Variants in AATF observed in about 807,000 individuals in gnomAD.
AATF encodes the protein apoptosis antagonizing transcription factor.
Under a neutral mutation model 63.7 loss-of-function variants are expected in AATF, and 48 were observed. That is an observed-to-expected ratio of 0.75 (90% CI 0.60 to 0.96). The LOEUF is 0.96. Ranked by LOEUF, AATF falls within the 40% of genes least tolerant of loss-of-function variation. The pLI is 0.00. For synonymous variants in AATF, 258 were observed against 247.7 expected, an observed-to-expected ratio of 1.04 and a Z score of -0.39; for missense variants, 639 against 685.7, an observed-to-expected ratio of 0.93 and a Z score of 0.76.
intron 4 of AATF, among the ~76,000 whole-genome samples, chr17:36,965,598 A>G (rs1254418338): frequency 6.6e-6 from 1 of 152,224 alleles, no homozygotes; most frequent in Non-Finnish European, 1.5e-5. Flanking sequence ...GTCTTCTACC[A>G]TCCCAGTGTT....
In AATF at chr17:37,009,843, A is replaced by AAC. The variant is rs1334815763; in HGVS notation, c.1399-9161_1399-9160insCA. On this transcript the variant is annotated intron_variant, in intron 8 of 11. Coordinates refer to ENST00000619387, the MANE Select transcript of AATF (RefSeq NM_012138.4). ...CGTCTCAAAAAAAAAAAAAAAAAAAAAAAAAAACCATGCAGATTTGTTGAA... is the reference window on the plus strand; with the variant it reads ...CGTCTCAAAAAAAAAAAAAAAAAAAAACAAAAAAACCATGCAGATTTGTTGAA... Among the ~76,000 whole-genome samples, 530 of 149,964 alleles carry AAC rather than the reference A, an allele frequency of 3.5e-3. 8 individuals are homozygous for AAC. Among genetic ancestry groups the AAC allele is most frequent in the African/African-American group, 0.012 (494 of 40,266 alleles).
Position 36,988,717 on chromosome 17 carries a change from G to A in AATF, c.1146G>A (p.Gly382=). Residue 382 remains glycine (G), a synonymous_variant, in exon 6 of 12, where the codon GGG becomes GGA. Coordinates refer to ENST00000619387, the MANE Select transcript of AATF (RefSeq NM_012138.4). ...CCAAACTGGCTTCTGGAAAACTGGGGAAGGCAAGTGTGTGTATGCGCGCAT... is the reference window on the plus strand; with the variant it reads ...CCAAACTGGCTTCTGGAAAACTGGGAAAGGCAAGTGTGTGTATGCGCGCAT... ...DKTKLASGKL[G]KGFGAFERSI... 6.2e-7 allele frequency: 1 copy of A among 1,613,728 alleles called. No individual in the cohort carries two copies. Among genetic ancestry groups the A allele is most frequent in the African/African-American group, 1.3e-5 (1 of 75,056 alleles).
At chr17:36,996,027 A>C (rs2071252160) in intron 8 of AATF, among the ~76,000 whole-genome samples, 1 of 152,158 alleles carries the variant, frequency 6.6e-6, no homozygotes, top group Non-Finnish European at 1.5e-5. Context: ...TTTTACTTTA[A>C]AATGTTGCTG....
At chr17:37,003,471 C>CT (rs1163393533) in intron 8 of AATF, among the ~76,000 whole-genome samples, 12,301 of 96,552 alleles carry the variant, frequency 0.13, 2,478 homozygotes, top group African/African-American at 0.43. Context: ...TTGACAAGAA[C>CT]TTTTTTTTTT....
chr17:36,964,764 C>G (rs1003615415), intron 4 of AATF, among the ~76,000 whole-genome samples: 3 of 151,680 alleles, frequency 2.0e-5, no homozygotes, highest in African/African-American at 4.8e-5. Context: ...CCCCTCCCCC[C>G]CACTGTAGCT....
intron 4 of AATF, among the ~76,000 whole-genome samples, chr17:36,982,082 T>G (rs2071129748): frequency 6.6e-6 from 1 of 152,150 alleles, no homozygotes. Flanking sequence ...GTACTTCATA[T>G]ATTGGAAATA....
At chr17:36,966,563 C>T (rs553566054) in intron 4 of AATF, among the ~76,000 whole-genome samples, 2 of 152,264 alleles carry the variant, frequency 1.3e-5, no homozygotes, top group Admixed American at 6.5e-5. Flanking sequence ...CCGCCATGCC[C>T]ACCCTGAAGT....
chr17:36,988,386 A>G (rs2071185439), intron 5 of AATF, 133 bp from the exon 6 acceptor site: 1 of 793,818 alleles, frequency 1.3e-6, no homozygotes, highest in South Asian at 1.8e-5. Flanking sequence ...CCATCCTTAT[A>G]TCTTTGGTGT....
intron 10 of AATF, among the ~76,000 whole-genome samples, chr17:37,026,196 G>T (rs1361129023): frequency 2.0e-5 from 3 of 152,200 alleles, no homozygotes; most frequent in African/African-American, 7.2e-5. Flanking sequence ...CAAGGACTGA[G>T]GAACTGTCAC....
At chr17:37,020,323 A>C (rs1335000825) in intron 9 of AATF, among the ~76,000 whole-genome samples, 1 of 151,956 alleles carries the variant, frequency 6.6e-6, no homozygotes, top group African/African-American at 2.4e-5. Context: ...AATGGTATTG[A>C]GATTATATTG....
chr17:36,967,861 C>CA (rs1555647620), intron 4 of AATF, among the ~76,000 whole-genome samples: 23 of 123,262 alleles, frequency 1.9e-4, no homozygotes, highest in African/African-American at 6.4e-4. Flanking sequence ...CAGACCTTGC[C>CA]TTTTTTTTTT....
intron 8 of AATF, among the ~76,000 whole-genome samples, chr17:36,996,883 C>T (rs1469136156): frequency 1.3e-5 from 2 of 152,198 alleles, no homozygotes; most frequent in Non-Finnish European, 2.9e-5. Context: ...CAGAGCATGA[C>T]TTGAGTACTA....
chr17:36,979,275 C>T (rs550304076), intron 4 of AATF, among the ~76,000 whole-genome samples: 7 of 152,128 alleles, frequency 4.6e-5, no homozygotes, highest in South Asian at 2.1e-4. Context: ...ACAGTGGAAT[C>T]GGTGTTTTTT....
At chr17:36,969,758 C>T (rs1392395740) in intron 4 of AATF, among the ~76,000 whole-genome samples, 1 of 152,180 alleles carries the variant, frequency 6.6e-6, no homozygotes, top group Non-Finnish European at 1.5e-5. Context: ...AGATAATGAA[C>T]ATATTCCTCA....
chr17:36,970,623 A>C (rs2071032352), intron 4 of AATF, among the ~76,000 whole-genome samples: 1 of 150,314 alleles, frequency 6.7e-6, no homozygotes. Flanking sequence ...TCACTGCAGC[A>C]CTGAGCTCCT....
chr17:36,976,852 C>T (rs1433607961), intron 4 of AATF, among the ~76,000 whole-genome samples: 2 of 152,092 alleles, frequency 1.3e-5, no homozygotes, highest in East Asian at 1.9e-4. Context: ...TCAATTTAAG[C>T]GATGGTAATT....
At chr17:37,001,855 TG>T in intron 8 of AATF, among the ~76,000 whole-genome samples, 2 of 152,264 alleles carry the variant, frequency 1.3e-5, no homozygotes, top group South Asian at 4.1e-4. Flanking sequence ...ACATCCAAAT[TG>T]GAAAGGATGA....
intron 11 of AATF, among the ~76,000 whole-genome samples, chr17:37,041,201 T>C (rs1294207079): frequency 2.6e-5 from 4 of 152,244 alleles, no homozygotes; most frequent in African/African-American, 9.6e-5. Context: ...GATTAACTTA[T>C]AAGCATTTTA....
In AATF at chr17:36,970,276, T is replaced by G. The variant is rs140316381; in HGVS notation, c.833-16341T>G. Among the ~76,000 whole-genome samples the G allele has an allele frequency of 4.6e-3, 693 of 152,300 alleles. 8 individuals carry two copies. The highest frequency in any genetic ancestry group is 3.9e-3 in the Non-Finnish European group (267 of 68,014). Reference sequence around the variant, plus strand: ...TAGTTGCTCCACTTCCTCAGAACATTTGGTATGTTCTTAATTTTAAACATT... The same window carrying G: ...TAGTTGCTCCACTTCCTCAGAACATGTGGTATGTTCTTAATTTTAAACATT... On this transcript the variant is annotated intron_variant, in intron 4 of 11. Transcript: ENST00000619387.
Sources: allele counts gnomAD v4.1 joint callset (sites outside exome capture counted in the v4.1 genomes callset), GRCh38; gene constraint gnomAD v4.1.1; transcripts MANE v1.5; gene names NCBI Gene and HGNC (gene_info 2026-07-23, HGNC 2026-07-21).